Variants in SOX6 observed in about 807,000 individuals in gnomAD.
SOX6 encodes the protein transcription factor SOX-6.
Under a neutral mutation model 97.8 loss-of-function variants are expected in SOX6, and 11 were observed. That is an observed-to-expected ratio of 0.11 (90% CI 0.07 to 0.19). The LOEUF is 0.19. Among genes scored for constraint, SOX6 ranks in the 10% least tolerant of loss-of-function variants. The pLI, the probability that SOX6 is intolerant of heterozygous loss-of-function variation, is 1.00. For synonymous variants in SOX6, 360 were observed against 371.4 expected (o/e 0.97, Z 0.35); for missense variants, 810 against 1,039.5 (o/e 0.78, Z 3.04).
rs1247326509 is a variant in SOX6, at chr11:16,735,998, T to TAA, written n.353+339_353+340dup. Among the ~76,000 whole-genome samples, 5 of 152,212 alleles carry TAA rather than the reference T, an allele frequency of 3.3e-5. No homozygotes were observed. In the South Asian group the frequency reaches 8.3e-4, roughly 25 times the overall value. ...CTACATGCTAAATGTTGGGAAAATT[T>TAA]AAAAAAATGTAAAGTTCTCAGTGAC... On this transcript the variant is annotated intron_variant and non_coding_transcript_variant, in intron 2 of 5. Transcript: ENST00000524520.
At chr11:16,331,446 G>A (rs1195427964) in intron 2 of SOX6, among the ~76,000 whole-genome samples, 1 of 152,104 alleles carries the variant, frequency 6.6e-6, no homozygotes, top group Non-Finnish European at 1.5e-5. Flanking sequence ...CACCCTGTGA[G>A]CTCAACAAAC....
At chr11:16,627,151 T>C (rs536626400) in intron 3 of SOX6, among the ~76,000 whole-genome samples, 3 of 152,328 alleles carry the variant, frequency 2.0e-5, no homozygotes, top group Non-Finnish European at 2.9e-5. Context: ...AAGGACATGA[T>C]TGCATTCTTT....
rs192148068 is a variant in SOX6, at chr11:16,407,330, C to G, written c.-4-66078G>C. On this transcript the variant is annotated intron_variant, in intron 1 of 15. Transcript: ENST00000396356. ...TCTATGCTTCCTCCAAGAGCTTTGT[C>G]TGCGAAAAACATACAAAGAAAATTG... is the stretch of plus-strand genomic sequence containing the variant. Among the ~76,000 whole-genome samples the G allele has an allele frequency of 1.6e-3, 248 of 152,196 alleles. 4 individuals carry two copies. Among genetic ancestry groups the G allele is most frequent in the Admixed American group, 0.014 (207 of 15,268 alleles).
chr11:16,610,589 C>G lies in SOX6; in HGVS notation n.609+1492G>C, dbSNP rs1369167959. On this transcript the variant is annotated intron_variant and non_coding_transcript_variant, in intron 4 of 5. Coordinates refer to the SOX6 transcript ENST00000524520. This position sits in a 1 kb window ranked among gnomAD's most constrained non-coding sequence, Gnocchi z 4.4. ...CGCAGGAACCCCTTTTAGATTTTAT[C>G]TAATAAACTGATAGCAAAGTATATT... Among the ~76,000 whole-genome samples the G allele has an allele frequency of 6.6e-6, 1 of 152,152 alleles. No individual in the cohort carries two copies. Among genetic ancestry groups the G allele is most frequent in the Admixed American group, 6.5e-5 (1 of 15,272 alleles).
At chr11:16,509,103 A>C (rs10832627) in intron 4 of SOX6, among the ~76,000 whole-genome samples, 33,424 of 151,842 alleles carry the variant, frequency 0.22, 4,181 homozygotes, top group East Asian at 0.51. Flanking sequence ...AATAAACAGG[A>C]GACCTGTTTT....
chr11:16,327,942 C>G (rs796573880), intron 2 of SOX6, among the ~76,000 whole-genome samples: 10 of 152,138 alleles, frequency 6.6e-5, no homozygotes, highest in Non-Finnish European at 1.3e-4. Flanking sequence ...CACTTGTACC[C>G]TTTCCTGTAT....
At chr11:16,514,692 C>A (rs1306357763) in intron 4 of SOX6, among the ~76,000 whole-genome samples, 1 of 115,872 alleles carries the variant, frequency 8.6e-6, no homozygotes, top group Admixed American at 1.0e-4. Flanking sequence ...GCTATCCCTC[C>A]CCCCTCCCCC....
chr11:16,141,227 A>G (rs1850128057), intron 6 of SOX6, among the ~76,000 whole-genome samples: 1 of 152,220 alleles, frequency 6.6e-6, no homozygotes, highest in Non-Finnish European at 1.5e-5. Context: ...TTTCCATTTA[A>G]AAACACTATC....
intron 4 of SOX6, chr11:16,483,992 G>T: frequency 1.2e-6 from 1 of 844,120 alleles, no homozygotes; most frequent in Non-Finnish European, 2.1e-6. Flanking sequence ...TTGATCCTGG[G>T]ATCCTCCAGG....
At chr11:16,692,173 A>G (rs761058287) in intron 3 of SOX6, among the ~76,000 whole-genome samples, 6 of 151,784 alleles carry the variant, frequency 4.0e-5, no homozygotes, top group Non-Finnish European at 8.8e-5. Context: ...TCCAGGTTCA[A>G]GGGATTCTCC....
intron 3 of SOX6, among the ~76,000 whole-genome samples, chr11:16,692,585 C>T (rs774372234): frequency 6.6e-5 from 10 of 152,182 alleles, no homozygotes; most frequent in Non-Finnish European, 1.5e-4. Context: ...AGTTTACCAA[C>T]TTTTGAACTT....
At chr11:16,619,123 T>C (rs944154489) in intron 3 of SOX6, among the ~76,000 whole-genome samples, 4 of 151,794 alleles carry the variant, frequency 2.6e-5, no homozygotes, top group African/African-American at 7.3e-5. Flanking sequence ...ATGATAAAAC[T>C]GAAAATCGTG....
At chr11:16,336,856 A>C (rs1856477867) in intron 2 of SOX6, among the ~76,000 whole-genome samples, 1 of 152,138 alleles carries the variant, frequency 6.6e-6, no homozygotes, top group Admixed American at 6.6e-5. Flanking sequence ...ATACACTCTG[A>C]CTGGGTGTCT....
chr11:15,973,057 T>C lies in SOX6; in HGVS notation c.2239A>G (p.Ile747Val), dbSNP rs1481851147. 3.1e-6 allele frequency: 5 copies of C among 1,614,044 alleles called. No individual in the cohort carries two copies. The South Asian group carries it at 3.3e-5, about 11-fold the overall frequency. The change falls in exon 16 of 16, where the codon ATC (isoleucine) becomes GTC (valine). Residue 747 changes from isoleucine to valine, a missense_variant. By Grantham distance (29) the Ile-to-Val change is conservative. Transcript: ENST00000683767. ...TGTGVVYPGAITMATTTPSPQ... is the reference protein window; with the variant it reads ...TGTGVVYPGAVTMATTTPSPQ... ...GATGGTGTGGTAGTTGCCATAGTGATAGCACCAGGATACACAACACCTGTT... is the reference window on the plus strand; with the variant it reads ...GATGGTGTGGTAGTTGCCATAGTGACAGCACCAGGATACACAACACCTGTT...
chr11:16,724,319 C>A (rs1205541386), intron 2 of SOX6, among the ~76,000 whole-genome samples: 1 of 152,156 alleles, frequency 6.6e-6, no homozygotes, highest in Non-Finnish European at 1.5e-5. Context: ...TCCACTACTT[C>A]TACTCTGCCT....
Position 16,601,054 on chromosome 11 carries a change from A to G in SOX6, n.609+11027T>C, listed in dbSNP as rs1848263018. 3.3e-5 allele frequency among the ~76,000 whole-genome samples: 5 copies of G among 152,288 alleles called. No individual in the cohort carries two copies. The South Asian group carries it at 1.0e-3, about 32-fold the overall frequency. On this transcript the variant is annotated intron_variant and non_coding_transcript_variant, in intron 4 of 5. Coordinates refer to the SOX6 transcript ENST00000524520. ...ACCTTATTTTCCTTATTAGGAAAAAAAACAGAGGAGAGACATATTTCTTAA... is the reference window on the plus strand; with the variant it reads ...ACCTTATTTTCCTTATTAGGAAAAAGAACAGAGGAGAGACATATTTCTTAA...
intron 2 of SOX6, among the ~76,000 whole-genome samples, chr11:16,340,131 T>C (rs960703890): frequency 6.6e-6 from 1 of 152,094 alleles, no homozygotes; most frequent in Non-Finnish European, 1.5e-5. Flanking sequence ...ATATGTGTTA[T>C]TAGTAGTAAA....
chr11:16,270,767 C>A (rs767634262), intron 3 of SOX6, among the ~76,000 whole-genome samples: 3 of 151,308 alleles, frequency 2.0e-5, no homozygotes, highest in Non-Finnish European at 4.4e-5. Flanking sequence ...AAAAGTCATA[C>A]ACAAAAGGGC....
intron 4 of SOX6, among the ~76,000 whole-genome samples, chr11:16,561,837 C>T (rs891035404): frequency 3.3e-5 from 5 of 152,094 alleles, no homozygotes; most frequent in African/African-American, 1.2e-4. Flanking sequence ...TCAAAAGAAC[C>T]TCCACCTCAG....
Sources: allele counts gnomAD v4.1 joint callset (sites outside exome capture counted in the v4.1 genomes callset), GRCh38; gene constraint gnomAD v4.1.1; non-coding constraint Gnocchi (gnomAD v3.1); transcripts MANE v1.5; gene names NCBI Gene and HGNC (gene_info 2026-07-23, HGNC 2026-07-21).